Variants in SIPA1L1 observed in about 807,000 individuals in gnomAD.
SIPA1L1 encodes the protein signal induced proliferation associated 1 like 1.
Under a neutral mutation model 162.7 loss-of-function variants are expected in SIPA1L1, and 26 were observed. That is an observed-to-expected ratio of 0.16 (90% confidence interval 0.12 to 0.22). SIPA1L1 has a LOEUF of 0.22. Among genes scored for constraint, SIPA1L1 ranks in the 10% least tolerant of loss-of-function variants. The pLI is 1.00. For synonymous variants in SIPA1L1, 829 were observed against 837.4 expected, an observed-to-expected ratio of 0.99 and a Z score of 0.17; for missense variants, 1,874 against 2,241.0, an observed-to-expected ratio of 0.84 and a Z score of 3.31.
rs534260277 is a variant in SIPA1L1 at position 71,601,451 on chromosome 14, A to G, written c.1498+12081A>G. Among the ~76,000 whole-genome samples the G allele has an allele frequency of 1.3e-5, 2 of 152,164 alleles. 1 individual carries two copies. The highest frequency in any genetic ancestry group is 4.1e-4 in the South Asian group (2 of 4,824). On this transcript the variant is annotated intron_variant, in intron 5 of 23. Coordinates refer to ENST00000381232, the MANE Select transcript of SIPA1L1 (RefSeq NM_001386936.1). ...TCTCTGAGATAAATCCCACTTGGTT[A>G]TGGTGTATTATTTCTTTGGTGTGTT... is the stretch of plus-strand genomic sequence containing the variant.
At chr14:71,503,672 T>TGTC (rs2050426234) in intron 2 of SIPA1L1, among the ~76,000 whole-genome samples, 1 of 152,200 alleles carries the variant, frequency 6.6e-6, no homozygotes, top group African/African-American at 2.4e-5. Flanking sequence ...TTAATATGTA[T>TGTC]GTATATATTT....
At chr14:71,713,065 G>A (rs1378987704) in intron 17 of SIPA1L1, among the ~76,000 whole-genome samples, 1 of 152,166 alleles carries the variant, frequency 6.6e-6, no homozygotes, top group Non-Finnish European at 1.5e-5. Flanking sequence ...GAGCAAATAG[G>A]AATAACTAGC....
chr14:71,540,067 A>G (rs2054247309), intron 4 of SIPA1L1, among the ~76,000 whole-genome samples: 1 of 152,272 alleles, frequency 6.6e-6, no homozygotes, highest in African/African-American at 2.4e-5. Flanking sequence ...CTCGCATTTT[A>G]TAGTAAACCT....
At position 71,558,832 on chromosome 14, in the gene SIPA1L1, C is replaced by T. The variant is rs559597636; in HGVS notation, c.-302-28739C>T. Among the ~76,000 whole-genome samples the T allele has an allele frequency of 1.2e-3, 189 of 152,158 alleles. 1 individual carries two copies. Among genetic ancestry groups the T allele is most frequent in the Admixed American group, 1.0e-3 (16 of 15,286 alleles). On this transcript the variant is annotated intron_variant, in intron 4 of 23. Transcript: ENST00000381232. ...CTAAATAGCTGAGACTACAGGTGCA[C>T]GCCGCTACACTTGGCTAAGTTTCTT...
chr14:71,499,967 G>A (rs1472594229), intron 2 of SIPA1L1, among the ~76,000 whole-genome samples: 1 of 152,012 alleles, frequency 6.6e-6, no homozygotes, highest in East Asian at 1.9e-4. Context: ...TTTTTATTGA[G>A]CAATTATGCC....
At chr14:71,402,310 T>A (rs2041726945) in intron 2 of SIPA1L1, among the ~76,000 whole-genome samples, 1 of 152,052 alleles carries the variant, frequency 6.6e-6, no homozygotes, top group Non-Finnish European at 1.5e-5. Context: ...GTCTTGGGTT[T>A]AGATAACAGT....
chr14:71,638,890 A>G (rs114085956), intron 7 of SIPA1L1, among the ~76,000 whole-genome samples: 55 of 152,304 alleles, frequency 3.6e-4, no homozygotes, highest in African/African-American at 1.3e-3. Flanking sequence ...ACCATTTGCA[A>G]TCCCTAAACA....
intron 2 of SIPA1L1, among the ~76,000 whole-genome samples, chr14:71,490,981 G>A (rs2143001003): frequency 6.6e-6 from 1 of 152,286 alleles, no homozygotes; most frequent in East Asian, 1.9e-4. Context: ...TAGTAGCAAT[G>A]ATATTTATCA....
At chr14:71,516,058 G>A (rs1280578484) in intron 3 of SIPA1L1, among the ~76,000 whole-genome samples, 1 of 152,160 alleles carries the variant, frequency 6.6e-6, no homozygotes, top group African/African-American at 2.4e-5. Context: ...GTGGTATAAA[G>A]AACCCTTTGC....
chr14:71,418,727 A>G (rs928048622), intron 2 of SIPA1L1, among the ~76,000 whole-genome samples: 6 of 152,196 alleles, frequency 3.9e-5, no homozygotes, highest in Admixed American at 2.6e-4. Flanking sequence ...CATATTTTAT[A>G]TATAAGAGGA....
chr14:71,341,455 T>G (rs1457774054), intron 2 of SIPA1L1, among the ~76,000 whole-genome samples: 3 of 152,246 alleles, frequency 2.0e-5, no homozygotes, highest in Admixed American at 2.0e-4. Flanking sequence ...TTGAAATACA[T>G]GTCTTTTAAG....
At chr14:71,609,676 A>G (rs2037967203) in intron 5 of SIPA1L1, among the ~76,000 whole-genome samples, 1 of 152,166 alleles carries the variant, frequency 6.6e-6, no homozygotes, top group South Asian at 2.1e-4. Context: ...CATGTTGGCC[A>G]GGATGGTCTG....
At chr14:71,615,871 C>G (rs1029597552) in intron 5 of SIPA1L1, among the ~76,000 whole-genome samples, 15 of 152,116 alleles carry the variant, frequency 9.9e-5, no homozygotes, top group Non-Finnish European at 1.8e-4. Context: ...TGGTGCACAC[C>G]TGTAATCCCA....
intron 7 of SIPA1L1, among the ~76,000 whole-genome samples, chr14:71,641,989 C>T (rs1047605495): frequency 2.0e-5 from 3 of 152,128 alleles, no homozygotes; most frequent in Non-Finnish European, 4.4e-5. Context: ...TTAAATTATA[C>T]GCCTTGCATT....
chr14:71,534,638 G>C (rs1390804472), intron 4 of SIPA1L1, among the ~76,000 whole-genome samples: 2 of 152,214 alleles, frequency 1.3e-5, no homozygotes, highest in East Asian at 3.9e-4. Flanking sequence ...GGAGTTAGGT[G>C]CCCCCTTTGT....
intron 2 of SIPA1L1, among the ~76,000 whole-genome samples, chr14:71,339,770 A>G (rs2035461054): frequency 6.6e-6 from 1 of 152,186 alleles, no homozygotes; most frequent in Non-Finnish European, 1.5e-5. Flanking sequence ...CTTCCTGGTA[A>G]TTAATGTCAG....
At chr14:71,564,026 C>T (rs1392569721) in intron 4 of SIPA1L1, among the ~76,000 whole-genome samples, 1 of 152,192 alleles carries the variant, frequency 6.6e-6, no homozygotes, top group Non-Finnish European at 1.5e-5. Flanking sequence ...CAGCTCACTG[C>T]AGCCTCCACC....
chr14:71,620,955 A>T (rs976806405), intron 6 of SIPA1L1, among the ~76,000 whole-genome samples: 2 of 152,228 alleles, frequency 1.3e-5, no homozygotes, highest in African/African-American at 4.8e-5. Context: ...CTTGTTTTTT[A>T]CGTTCAAATT....
intron 2 of SIPA1L1, among the ~76,000 whole-genome samples, chr14:71,360,710 G>GA (rs2037728233): frequency 6.6e-6 from 1 of 152,190 alleles, no homozygotes; most frequent in South Asian, 2.1e-4. Context: ...TGGAAGTTGA[G>GA]AAAATGAACA....
Sources: allele counts gnomAD v4.1 joint callset (sites outside exome capture counted in the v4.1 genomes callset), GRCh38; gene constraint gnomAD v4.1.1; transcripts MANE v1.5; gene names NCBI Gene and HGNC (gene_info 2026-07-23, HGNC 2026-07-21).